NELFE: variants seen among roughly 807,000 people sequenced by gnomAD.
NELFE encodes the protein negative elongation factor complex member E, also known as negative elongation factor E.
Under a neutral mutation model 55.5 loss-of-function variants are expected in NELFE, and 26 were observed. That is an observed-to-expected ratio of 0.47 (90% CI 0.34 to 0.65). The LOEUF is 0.65. Among genes scored for constraint, NELFE ranks in the 30% least tolerant of loss-of-function variants. The pLI is 0.01. For missense variants in NELFE, 403 were observed against 506.9 expected (o/e 0.80, Z 1.97); for synonymous variants, 162 against 178.0 (o/e 0.91, Z 0.72).
intron 9 of NELFE, 116 bp downstream of exon 9, chr6:31,953,964 T>C (rs1771911627): frequency 3.7e-6 from 5 of 1,355,188 alleles, no homozygotes; most frequent in South Asian, 2.4e-5. Flanking sequence ...TCTGTGTGAA[T>C]AGGGAGAGGC....
At chr6:31,955,014 A>T in intron 6 of NELFE, 45 bp downstream of exon 6, 2 of 1,613,450 alleles carry the variant, frequency 1.2e-6, no homozygotes, top group Non-Finnish European at 1.7e-6. Flanking sequence ...GGACTCAGGC[A>T]ATCAACTCCA....
intron 4 of NELFE, among the ~76,000 whole-genome samples, chr6:31,955,904 G>A (rs1305479292): frequency 6.6e-6 from 1 of 151,908 alleles, no homozygotes; most frequent in African/African-American, 2.4e-5. Context: ...TCAGTAACTG[G>A]GACTATAAGT....
intron 10 of NELFE, among the ~76,000 whole-genome samples, chr6:31,953,018 ATC>A (rs985230521): frequency 1.3e-5 from 2 of 152,054 alleles, no homozygotes; most frequent in Non-Finnish European, 2.9e-5. Context: ...GCTACAGAGA[ATC>A]TCTCTCACCC....
In NELFE at chr6:31,952,442, T is replaced by C. The variant is rs3880457; in HGVS notation, c.1046-44A>G. ...AACAGTTAAGGTCTAAAGGAGATCA[T>C]AGAACAGACCCTGAGGCTGACTCCT... On this transcript the variant is annotated intron_variant, in intron 10 of 10. Coordinates refer to ENST00000375429, the MANE Select transcript of NELFE (RefSeq NM_002904.6). 3,112 of 1,451,042 alleles carry C rather than the reference T, an allele frequency of 2.1e-3. 97 individuals carry two copies. The East Asian group carries it at 0.065, about 30-fold the overall frequency. The allele number at this position is 1,451,042 out of a possible 1,614,324, so 89.9% of individuals were successfully genotyped here.
chr6:31,957,237 T>C, intron 2 of NELFE: 2 of 611,678 alleles, frequency 3.3e-6, no homozygotes, highest in Non-Finnish European at 5.8e-6. Context: ...GAGTGTTACA[T>C]TTTTGAAGTT....
intron 9 of NELFE, 110 bp downstream of exon 9, chr6:31,953,970 G>C: frequency 7.3e-7 from 1 of 1,371,190 alleles, no homozygotes; most frequent in Middle Eastern, 1.8e-4. Flanking sequence ...TGAATAGGGA[G>C]AGGCTTTCTT....
intron 2 of NELFE, 121 bp downstream of exon 2, chr6:31,958,251 G>T (rs1266379295): frequency 1.2e-6 from 1 of 868,388 alleles, no homozygotes. Context: ...GCTACACTGT[G>T]AGGTGATATG....
At position 31,958,641 on chromosome 6, in the gene NELFE, C is replaced by T. The variant is rs944413711; in HGVS notation, c.-8-187G>A. 12 of 705,056 alleles carry T rather than the reference C, an allele frequency of 1.7e-5. No individual in the cohort carries two copies. The Admixed American group carries it at 2.4e-4, about 14-fold the overall frequency. 43.7% of individuals were successfully genotyped at this position (705,056 alleles called of 1,614,324 possible). A position where few individuals can be genotyped will look rare whatever the true frequency, so the allele number is the denominator to read the frequency against. On this transcript the variant is annotated intron_variant, in intron 1 of 10. Transcript: ENST00000375429. ...TGGTCGGGATCATCCAGCATTCCCTCCTGTCTCCAGGGATCACAGACACCA... is the reference window on the plus strand; with the variant it reads ...TGGTCGGGATCATCCAGCATTCCCTTCTGTCTCCAGGGATCACAGACACCA...
Position 31,952,369 on chromosome 6 carries a change from G to A in NELFE, c.1075C>T (p.Arg359Trp), listed in dbSNP as rs375697443. ...AVQNSPKGCH[R>W]DKRTQIVYSD... The stretch of plus-strand genomic sequence containing the variant: ...TAGACAATCTGGGTCCTCTTGTCCC[G>A]GTGGCAACCCTTAGGGCTGTTCTGG... Residue 359 changes from arginine to tryptophan, a missense_variant, in exon 11 of 11, where the codon CGG (arginine) becomes TGG (tryptophan). Physicochemically the swap from Arg to Trp is moderately radical, Grantham distance 101. Coordinates refer to ENST00000375429, the MANE Select transcript of NELFE (RefSeq NM_002904.6). The A allele has an allele frequency of 9.9e-6, 16 of 1,614,032 alleles. No homozygotes were observed. Among genetic ancestry groups the A allele is most frequent in the African/African-American group, 1.3e-5 (1 of 75,002 alleles).
Position 31,954,089 on chromosome 6 carries a change from G to A in NELFE, c.933C>T (p.Ala311=), listed in dbSNP as rs757120794. ...TTTGGGAAGTTCCAACCTCAGCAAC[G>A]GCCTGATCTGCTGACTCCATCTTTT... ...TYEKMESADQ[A]VAELNGTQVE... is the part of the protein sequence containing the mutation. The change falls in exon 9 of 11, where the codon GCC becomes GCT. Residue 311 remains alanine (A), a synonymous_variant. Transcript: ENST00000375429. This position sits in a 1 kb window ranked among gnomAD's most constrained non-coding sequence, Gnocchi z 5.5. 1.5e-5 allele frequency: 24 copies of A among 1,613,670 alleles called. 1 individual carries two copies. The Middle Eastern group carries it at 9.9e-4, about 67-fold the overall frequency.
intron 2 of NELFE, 51 bp from the exon 3 acceptor site, chr6:31,957,061 G>A (rs372868016): frequency 9.2e-6 from 14 of 1,528,824 alleles, no homozygotes; most frequent in African/African-American, 4.1e-5. Context: ...GCCCCTAGCC[G>A]GTTCCTCTCC....
intron 4 of NELFE, among the ~76,000 whole-genome samples, chr6:31,955,988 T>C (rs1030414233): frequency 1.3e-5 from 2 of 152,040 alleles, no homozygotes; most frequent in Non-Finnish European, 2.9e-5. Context: ...TGGAGTGCAG[T>C]GGCACAATCT....
In NELFE at chr6:31,954,332, T is replaced by A; in HGVS notation, c.853A>T (p.Asn285Tyr). Residue 285 changes from asparagine (N) to tyrosine (Y), a missense_variant, in exon 8 of 11, where the codon AAC (asparagine) becomes TAC (tyrosine). This residue lies in a region of NELFE where 229 missense variants were observed against 228.3 expected (regional missense o/e 1.00). Coordinates refer to ENST00000375429, the MANE Select transcript of NELFE (RefSeq NM_002904.6). This position sits in a 1 kb window ranked among gnomAD's most constrained non-coding sequence, Gnocchi z 5.5. ...GGGTCCATGGAGAGGTCAATGATGT[T>A]TCCAAAAGGAGAGAAGGCCCCACGG... The part of the protein sequence containing the change: ...LLRGAFSPFG[N>Y]IIDLSMDPPR... 1 of 1,613,414 alleles carries A rather than the reference T, an allele frequency of 6.2e-7. No individual in the cohort carries two copies.
chr6:31,952,333 C>A lies in NELFE; in HGVS notation c.1111G>T (p.Val371Phe). 1 of 1,614,108 alleles carries A rather than the reference C, an allele frequency of 6.2e-7. No individual in the cohort carries two copies. The highest frequency in any genetic ancestry group is 1.1e-5 in the South Asian group (1 of 91,082). ...CCATCCACAAGGTTTTCCTTGTAGACGTCATCACTGTAGACAATCTGGGTC... is the reference window on the plus strand; with the variant it reads ...CCATCCACAAGGTTTTCCTTGTAGAAGTCATCACTGTAGACAATCTGGGTC... ...KRTQIVYSDD[V>F]YKENLVDGF The change falls in exon 11 of 11, where the codon GTC becomes TTC. Residue 371 changes from valine (V) to phenylalanine (F), a missense_variant. Physicochemically the swap from Val to Phe is conservative, Grantham distance 50 (BLOSUM62 -1). This residue lies in a region of NELFE where 77 missense variants were observed against 123.3 expected (regional missense o/e 0.62). Transcript: ENST00000375429.
chr6:31,954,088 C>T lies in NELFE; in HGVS notation c.934G>A (p.Val312Ile), dbSNP rs751483164. ...YEKMESADQA[V>I]AELNGTQVES... ...ATTTGGGAAGTTCCAACCTCAGCAA[C>T]GGCCTGATCTGCTGACTCCATCTTT... is the stretch of plus-strand genomic sequence containing the variant. The change falls in exon 9 of 11, where the codon GTT becomes ATT. Residue 312 changes from valine (V) to isoleucine (I), a missense_variant. Around this residue, in one of 3 missense-constraint regions of NELFE, gnomAD observed 77 missense variants for 123.3 expected, o/e 0.62. Transcript: ENST00000375429. The surrounding 1 kb of genome is among the most constrained non-coding windows in gnomAD (Gnocchi z 5.5). The T allele has an allele frequency of 7.4e-6, 12 of 1,613,562 alleles. No homozygotes were observed. Among genetic ancestry groups the T allele is most frequent in the Admixed American group, 6.7e-5 (4 of 59,996 alleles).
intron 2 of NELFE, among the ~76,000 whole-genome samples, chr6:31,957,883 C>T (rs906316115): frequency 6.6e-6 from 1 of 151,988 alleles, no homozygotes; most frequent in African/African-American, 2.4e-5. Context: ...AAGCCCTGCT[C>T]GGGGGAATGC....
intron 2 of NELFE, chr6:31,957,362 G>A (rs1379962692): frequency 1.9e-6 from 1 of 532,130 alleles, no homozygotes; most frequent in South Asian, 1.5e-5. Context: ...TATTGAATGA[G>A]GCCCAGCCAT....
chr6:31,958,318 C>T, intron 2 of NELFE, 54 bp downstream of exon 2: 3 of 1,533,448 alleles, frequency 2.0e-6, no homozygotes, highest in Non-Finnish European at 2.7e-6. Context: ...CCCATATCTT[C>T]TCAGAGTGCA....
At position 31,958,954 on chromosome 6, in the gene NELFE, C is replaced by A. The variant is rs1017056147; in HGVS notation, c.-71G>T. Reference sequence around the variant, plus strand: ...CCGCGCCCGCGCTGGCCGCTGATAGCGGGCTCACAACGATGACGTAGCGAG... The same window carrying A: ...CCGCGCCCGCGCTGGCCGCTGATAGAGGGCTCACAACGATGACGTAGCGAG... On this transcript the variant is annotated 5_prime_UTR_variant, in exon 1 of 11. Coordinates refer to ENST00000375429, the MANE Select transcript of NELFE (RefSeq NM_002904.6). 8.3e-6 allele frequency: 5 copies of A among 600,340 alleles called. No individual in the cohort carries two copies. The highest frequency in any genetic ancestry group is 7.4e-5 in the African/African-American group (4 of 53,768). The allele number at this position is 600,340 out of a possible 1,614,324, so 37.2% of individuals were successfully genotyped here. A position where few individuals can be genotyped will look rare whatever the true frequency, so the allele number is the denominator to read the frequency against.
Sources: allele counts gnomAD v4.1 joint callset (sites outside exome capture counted in the v4.1 genomes callset), GRCh38; gene constraint gnomAD v4.1.1; regional missense constraint gnomAD v4.1.1; non-coding constraint Gnocchi (gnomAD v3.1); transcripts MANE v1.5; gene names NCBI Gene and HGNC (gene_info 2026-07-23, HGNC 2026-07-21).